The following NUP43 variants were observed in gnomAD, a reference collection of about 807,000 sequenced individuals.
The protein encoded by NUP43 is nucleoporin Nup43.
NUP43 carries 32 observed loss-of-function variants against 47.3 expected under a neutral mutation model. The observed-to-expected ratio is 0.68, with a 90% CI of 0.51 to 0.91. The LOEUF (loss-of-function observed/expected upper bound fraction) is 0.91. NUP43 is among the 40% of genes least tolerant of loss of function. The probability of loss-of-function intolerance (pLI) is 0.00; values close to 1 mark genes in which losing one functional copy is unlikely to be tolerated. For synonymous variants in NUP43, 147 were observed against 158.4 expected, an observed-to-expected ratio of 0.93 and a Z score of 0.54; for missense variants, 444 against 453.9, an observed-to-expected ratio of 0.98 and a Z score of 0.20.
chr6:149,733,556 C>G (rs532317897), intron 6 of NUP43, among the ~76,000 whole-genome samples: 9 of 151,908 alleles, frequency 5.9e-5, no homozygotes, highest in African/African-American at 2.2e-4. Flanking sequence ...AGCAATCCGC[C>G]TATCTCAGCC....
intron 7 of NUP43, 84 bp from the exon 8 acceptor site, chr6:149,727,282 A>T: frequency 6.7e-7 from 1 of 1,488,770 alleles, no homozygotes; most frequent in Non-Finnish European, 9.0e-7. Flanking sequence ...ATATTTAGAA[A>T]GGTGATGATA....
chr6:149,738,576 G>T, intron 5 of NUP43, 67 bp downstream of exon 5: 1 of 1,193,430 alleles, frequency 8.4e-7, no homozygotes, highest in Non-Finnish European at 1.1e-6. Flanking sequence ...CTTAAAGCCA[G>T]TAGCTATAAA....
At chr6:149,727,942 G>A in intron 7 of NUP43, 1 of 984,358 alleles carries the variant, frequency 1.0e-6, no homozygotes, top group Non-Finnish European at 1.2e-6. Context: ...CCTACTATGT[G>A]CCAGGCTCTG....
chr6:149,745,707 T>C (rs138428324), intron 2 of NUP43, among the ~76,000 whole-genome samples: 1 of 152,336 alleles, frequency 6.6e-6, no homozygotes, highest in Admixed American at 6.5e-5. Flanking sequence ...AAACGGTATT[T>C]AGCACATAGT....
At position 149,725,447 on chromosome 6, in the gene NUP43, G is replaced by A. The variant is rs1784760182; in HGVS notation, c.*1522C>T. ...CTACTAAAAATACAAAAATTAGCTGGGTGTGGTGGTGAGCACCTGTAATCC... is the reference window on the plus strand; with the variant it reads ...CTACTAAAAATACAAAAATTAGCTGAGTGTGGTGGTGAGCACCTGTAATCC... On this transcript the variant is annotated 3_prime_UTR_variant, in exon 8 of 8. Coordinates refer to ENST00000340413, the MANE Select transcript of NUP43 (RefSeq NM_198887.3). The A allele has an allele frequency of 6.6e-6, 1 of 152,346 alleles. No homozygotes were observed. The highest frequency in any genetic ancestry group is 2.1e-4 in the South Asian group (1 of 4,824). 9.4% of individuals were successfully genotyped at this position (152,346 alleles called of 1,614,324 possible). A position where few individuals can be genotyped will look rare whatever the true frequency, so the allele number is the denominator to read the frequency against.
chr6:149,727,634 G>A (rs543702404), intron 7 of NUP43: 1 of 780,126 alleles, frequency 1.3e-6, no homozygotes, highest in Non-Finnish European at 1.6e-6. Flanking sequence ...ATTTCTAGAT[G>A]AACATTTCTA....
At chr6:149,731,486 C>G (rs1210268629) in intron 7 of NUP43, 127 bp downstream of exon 7, 1 of 744,688 alleles carries the variant, frequency 1.3e-6, no homozygotes, top group Non-Finnish European at 2.1e-6. Context: ...TCGCTTGAAC[C>G]CAGGAGGCGG....
chr6:149,739,332 G>A lies in NUP43; in HGVS notation c.503-554C>T, dbSNP rs1347246229. On this transcript the variant is annotated intron_variant, in intron 4 of 7. Coordinates refer to ENST00000340413, the MANE Select transcript of NUP43 (RefSeq NM_198887.3). ...AGATGGATCTCGCTCTGTCACCCAG[G>A]CTAGAGGGCAGTGGCGTACTCTGGG... 2.6e-5 allele frequency among the ~76,000 whole-genome samples: 4 copies of A among 151,934 alleles called. No individual in the cohort carries two copies. In the East Asian group the frequency reaches 7.7e-4, roughly 29 times the overall value.
chr6:149,737,290 A>G (rs1785419413), intron 5 of NUP43, among the ~76,000 whole-genome samples: 1 of 151,596 alleles, frequency 6.6e-6, no homozygotes, highest in Non-Finnish European at 1.5e-5. Context: ...TCTCAAAGAA[A>G]AAAAAAAAAA....
upstream of NUP43, chr6:149,746,754 T>C: frequency 4.6e-6 from 6 of 1,295,444 alleles, no homozygotes; most frequent in Non-Finnish European, 6.1e-6. Context: ...ATCTGCAATG[T>C]CAGTATTTTC....
chr6:149,726,712 C>A lies in NUP43; in HGVS notation c.*257G>T. On this transcript the variant is annotated 3_prime_UTR_variant, in exon 8 of 8. Coordinates refer to ENST00000340413, the MANE Select transcript of NUP43 (RefSeq NM_198887.3). ...TCTGTCAATAATACTCTGAAGGCAACCTATTCATCAGCACCAGAATCCCAC... is the reference window on the plus strand; with the variant it reads ...TCTGTCAATAATACTCTGAAGGCAAACTATTCATCAGCACCAGAATCCCAC... 2.1e-6 allele frequency: 1 copy of A among 483,494 alleles called. No homozygotes were observed. The highest frequency in any genetic ancestry group is 2.3e-5 in the South Asian group (1 of 43,792). 30.0% of individuals were successfully genotyped at this position (483,494 alleles called of 1,614,324 possible). A position where few individuals can be genotyped will look rare whatever the true frequency, so the allele number is the denominator to read the frequency against.
upstream of NUP43, chr6:149,746,664 G>C (rs754147526): frequency 3.2e-6 from 5 of 1,557,742 alleles, no homozygotes; most frequent in Non-Finnish European, 4.3e-6. Context: ...TACCTAGACT[G>C]AGAGGCCCAC....
intron 7 of NUP43, chr6:149,727,737 T>C: frequency 4.1e-6 from 4 of 982,662 alleles, no homozygotes; most frequent in Non-Finnish European, 3.6e-6. Flanking sequence ...TTTAGATAAA[T>C]GTTCTTACAA....
Position 149,746,365 on chromosome 6 carries a change from AGCG to A in NUP43, c.120+8_120+10del. On this transcript the variant is annotated splice_region_variant and intron_variant, in intron 1 of 7. Transcript: ENST00000340413. ...GAGGAGGTAGGGGCTCGTCCCTATC[AGCG>A]GCGATACCTCATTGTCCCAAGATCC... The A allele has an allele frequency of 6.2e-7, 1 of 1,613,136 alleles. No homozygotes were observed. The highest frequency in any genetic ancestry group is 8.5e-7 in the Non-Finnish European group (1 of 1,179,242).
At chr6:149,736,226 A>G (rs537380646) in intron 6 of NUP43, among the ~76,000 whole-genome samples, 119 of 148,982 alleles carry the variant, frequency 8.0e-4, no homozygotes, top group African/African-American at 2.8e-3. Flanking sequence ...GCGGTGGGCC[A>G]AGATAGCGCC....
intron 7 of NUP43, chr6:149,729,431 G>A (rs139987216): frequency 7.4e-5 from 46 of 621,182 alleles, no homozygotes; most frequent in African/African-American, 7.1e-4. Flanking sequence ...ACTGGAAGGC[G>A]GAAGGGAGAA....
intron 4 of NUP43, 70 bp downstream of exon 4, chr6:149,742,320 C>T: frequency 6.8e-7 from 1 of 1,472,186 alleles, no homozygotes; most frequent in Non-Finnish European, 9.4e-7. Context: ...GCCACCACAC[C>T]CAGCCTAACT....
chr6:149,740,009 G>A lies in NUP43; in HGVS notation c.503-1231C>T, dbSNP rs567764316. The stretch of plus-strand genomic sequence containing the variant: ...ATTAACAAATAAGTAATGTCGCCCA[G>A]TGCAGTGGGTCATGTCTGTAATCTC... On this transcript the variant is annotated intron_variant, in intron 4 of 7. Transcript: ENST00000340413. Among the ~76,000 whole-genome samples the A allele has an allele frequency of 7.9e-5, 12 of 152,338 alleles. No homozygotes were observed. The East Asian group carries it at 2.3e-3, about 29-fold the overall frequency.
At chr6:149,727,587 CAAAAT>C (rs1784847375) in intron 7 of NUP43, 2 of 885,924 alleles carry the variant, frequency 2.3e-6, no homozygotes, top group Non-Finnish European at 1.4e-6. Context: ...TGGGTAATAA[CAAAAT>C]AAAATGATCA....
Sources: allele counts gnomAD v4.1 joint callset (sites outside exome capture counted in the v4.1 genomes callset), GRCh38; gene constraint gnomAD v4.1.1; transcripts MANE v1.5; gene names NCBI Gene and HGNC (gene_info 2026-07-23, HGNC 2026-07-21).